MSTO1: variants seen among roughly 807,000 people sequenced by gnomAD.
The protein encoded by MSTO1 is protein misato homolog 1.
A neutral mutation model predicts 55.7 loss-of-function variants in MSTO1; 24 were observed. The observed-to-expected ratio is 0.43, with a 90% CI of 0.31 to 0.61. MSTO1 has a LOEUF of 0.61. Among genes scored for constraint, MSTO1 ranks in the 20% least tolerant of loss-of-function variants. The pLI is 0.09. For synonymous variants in MSTO1, 162 were observed against 252.8 expected (o/e 0.64, Z 3.41); for missense variants, 363 against 625.7 (o/e 0.58, Z 4.48).
chr1:155,568,788 A>G, the MSTO1 span, among the ~76,000 whole-genome samples: 15,792 of 151,678 alleles, frequency 0.1, 1,092 homozygotes, highest in Non-Finnish European at 0.16. Context: ...GGGAACAAAA[A>G]TGTTTTGAAT....
At chr1:155,586,709 T>G in the MSTO1 span, 1 of 509,958 alleles carries the variant, frequency 2.0e-6, no homozygotes, top group South Asian at 1.4e-5. Flanking sequence ...ATAAGGTGAG[T>G]CTGGACTGAC....
chr1:155,586,700 T>A, the MSTO1 span: 2 of 518,180 alleles, frequency 3.9e-6, no homozygotes, highest in East Asian at 1.1e-4. Flanking sequence ...CTAGGATCCA[T>A]AAGGTGAGTC....
upstream of MSTO1, among the ~76,000 whole-genome samples, chr1:155,606,522 G>A (rs937043758): frequency 1.3e-5 from 2 of 151,762 alleles, no homozygotes; most frequent in Non-Finnish European, 2.9e-5. Context: ...AGCCTCCCGA[G>A]GAGCTGGGAC....
chr1:155,580,946 T>C, the MSTO1 span, among the ~76,000 whole-genome samples: 2 of 148,454 alleles, frequency 1.3e-5, no homozygotes, highest in African/African-American at 2.5e-5. Context: ...AGAACTCTAA[T>C]ACTCTAACAC....
the MSTO1 span, chr1:155,591,223 T>C: frequency 2.5e-6 from 4 of 1,611,062 alleles, no homozygotes; most frequent in Non-Finnish European, 3.4e-6. Flanking sequence ...CCCAGCAGTG[T>C]CAGGACGACT....
chr1:155,592,643 T>C, the MSTO1 span, among the ~76,000 whole-genome samples: 1 of 151,876 alleles, frequency 6.6e-6, no homozygotes, highest in Non-Finnish European at 1.5e-5. Context: ...AACCTGTGGC[T>C]CCCGGGTTCA....
chr1:155,609,228 TA>T, upstream of MSTO1, among the ~76,000 whole-genome samples: 4 of 46,672 alleles, frequency 8.6e-5, no homozygotes, highest in Admixed American at 6.0e-4. Context: ...TATATATATA[TA>T]TATATATATA....
At chr1:155,566,089 A>G in the MSTO1 span, 7 of 152,196 alleles carry the variant, frequency 4.6e-5, no homozygotes, top group Non-Finnish European at 2.9e-5. Context: ...TTTCAGAAAG[A>G]CAATAATGGA....
the MSTO1 span, among the ~76,000 whole-genome samples, chr1:155,597,332 T>C: frequency 6.6e-6 from 1 of 151,044 alleles, no homozygotes; most frequent in African/African-American, 2.4e-5. Context: ...TAGTAGGGCA[T>C]AGTGGCGGGC....
chr1:155,613,022 A>G (rs1674623838), intron 10 of MSTO1, 27 bp from the exon 11 acceptor site: 3 of 1,613,906 alleles, frequency 1.9e-6, no homozygotes, highest in East Asian at 2.2e-5. Context: ...AAAATGTCCT[A>G]TAACGTGTTC....
chr1:155,563,677 G>A, the MSTO1 span: 1 of 413,716 alleles, frequency 2.4e-6, no homozygotes, highest in Non-Finnish European at 4.9e-6. Flanking sequence ...TCTGGACTTA[G>A]TCTCCCTTTT....
chr1:155,588,741 G>A, the MSTO1 span, among the ~76,000 whole-genome samples: 1 of 152,058 alleles, frequency 6.6e-6, no homozygotes, highest in Admixed American at 6.6e-5. Context: ...ACCTGAGCGG[G>A]ATTAGTCGAG....
rs1366220247 is a variant in MSTO1, at chr1:155,612,079, G to A, written c.657G>A (p.Val219=). 3 of 1,610,448 alleles carry A rather than the reference G, an allele frequency of 1.9e-6. No homozygotes were observed. The highest frequency in any genetic ancestry group is 1.3e-5 in the African/African-American group (1 of 74,244). The change falls in exon 7 of 14, where the codon GTG becomes GTA. Residue 219 remains valine, a synonymous_variant. Coordinates refer to ENST00000245564, the MANE Select transcript of MSTO1 (RefSeq NM_018116.4). ...EELEDRLHFY[V]EECDYLQGFQ... ...TGGAGGACAGGCTGCATTTCTACGT[G>A]GAGGAATGTGACTACTTGCAGGTAG...
At chr1:155,587,604 C>T in the MSTO1 span, among the ~76,000 whole-genome samples, 5 of 151,338 alleles carry the variant, frequency 3.3e-5, no homozygotes, top group South Asian at 2.1e-4. Flanking sequence ...ATTAGCCGGG[C>T]GTGGTGGCGG....
At chr1:155,575,692 C>T in the MSTO1 span, among the ~76,000 whole-genome samples, 1 of 152,034 alleles carries the variant, frequency 6.6e-6, no homozygotes. Flanking sequence ...AATCCTTCTG[C>T]CTCAGCCTCA....
At chr1:155,609,824 T>G (rs1673436975), upstream of MSTO1, 3 of 201,418 alleles carry the variant, frequency 1.5e-5, no homozygotes, top group South Asian at 7.8e-5. Flanking sequence ...ATGGGAGGCT[T>G]TAGGGGAGCT....
the MSTO1 span, among the ~76,000 whole-genome samples, chr1:155,587,517 G>A: frequency 6.6e-6 from 1 of 151,292 alleles, no homozygotes; most frequent in Non-Finnish European, 1.5e-5. Flanking sequence ...GCCGAGGCGG[G>A]TGGATCACGA....
the MSTO1 span, chr1:155,590,801 C>T: frequency 6.8e-6 from 11 of 1,606,206 alleles, no homozygotes; most frequent in African/African-American, 1.3e-4. Flanking sequence ...CACTTTTGGG[C>T]CTCAGCCACC....
chr1:155,577,587 A>G, the MSTO1 span, among the ~76,000 whole-genome samples: 22 of 152,318 alleles, frequency 1.4e-4, no homozygotes, highest in African/African-American at 3.8e-4. Context: ...TCAGTTGACC[A>G]TGATGTAAGC....
Sources: gnomAD v4.1 joint callset for allele counts (sites outside exome capture counted in the v4.1 genomes callset) on GRCh38, gnomAD v4.1.1 for gene constraint, MANE v1.5 for transcripts, NCBI Gene and HGNC (gene_info 2026-07-23, HGNC 2026-07-21) for gene names.